VPS8: variants seen among roughly 807,000 people sequenced by gnomAD.
VPS8 encodes the protein VPS8 subunit of CORVET complex.
A neutral mutation model predicts 216.4 loss-of-function variants in VPS8; 129 were observed. That is an observed-to-expected ratio of 0.60 (90% confidence interval 0.52 to 0.69). VPS8 has a LOEUF of 0.69. Ranked by LOEUF, VPS8 falls within the 30% of genes least tolerant of loss-of-function variation. The probability of loss-of-function intolerance (pLI) is 0.00; values close to 1 mark genes in which losing one functional copy is unlikely to be tolerated. For synonymous variants in VPS8, 571 were observed against 565.4 expected (o/e 1.01, Z -0.14); for missense variants, 1,531 against 1,683.5 (o/e 0.91, Z 1.59).
chr3:184,971,661 A>G lies in VPS8; in HGVS notation c.3329A>G (p.Asp1110Gly), dbSNP rs1289943604. The G allele has an allele frequency of 1.2e-6, 2 of 1,611,380 alleles. No homozygotes were observed. Among genetic ancestry groups the G allele is most frequent in the Non-Finnish European group, 1.7e-6 (2 of 1,178,220 alleles). Reference protein sequence around the residue: ...VTHQGENTKEDPSLKDVEDTM... With the variant: ...VTHQGENTKEGPSLKDVEDTM... Reference sequence around the variant, plus strand: ...TTTCTAAATCTAGATACCAAAGAGGATCCCTCATTGAAGGATGTTGAAGAT... The same window carrying G: ...TTTCTAAATCTAGATACCAAAGAGGGTCCCTCATTGAAGGATGTTGAAGAT... Residue 1110 changes from aspartate to glycine, a missense_variant, in exon 40 of 48, where the codon GAT (aspartate) becomes GGT (glycine). Transcript: ENST00000625842.
intron 46 of VPS8, among the ~76,000 whole-genome samples, chr3:185,047,317 A>G (rs1191859473): frequency 6.6e-6 from 1 of 152,204 alleles, no homozygotes; most frequent in Admixed American, 6.5e-5. Flanking sequence ...TTGAATCTTC[A>G]TAGCCACTTT....
chr3:184,901,366 G>GATA (rs1734453071), intron 25 of VPS8: 1 of 168,230 alleles, frequency 5.9e-6, no homozygotes, highest in African/African-American at 2.4e-5. Context: ...ACCACTGAAT[G>GATA]ATAGTCCATG....
At chr3:185,027,559 A>G (rs1343135226) in intron 46 of VPS8, among the ~76,000 whole-genome samples, 2 of 152,160 alleles carry the variant, frequency 1.3e-5, no homozygotes, top group Admixed American at 6.6e-5. Context: ...TCTTTATGGC[A>G]GAAACCTCCA....
chr3:184,982,777 T>C (rs1266861074), intron 41 of VPS8, 130 bp downstream of exon 41: 2 of 784,768 alleles, frequency 2.5e-6, no homozygotes, highest in Non-Finnish European at 4.0e-6. Context: ...TGAAACCATA[T>C]AGTATGGTTG....
chr3:184,862,994 C>T lies in VPS8; in HGVS notation c.1322C>T (p.Ser441Leu). 1.9e-6 allele frequency: 3 copies of T among 1,613,790 alleles called. No individual in the cohort carries two copies. The highest frequency in any genetic ancestry group is 2.5e-6 in the Non-Finnish European group (3 of 1,179,810). The change falls in exon 16 of 48, where the codon TCA becomes TTA. Residue 441 changes from serine to leucine, a missense_variant. Coordinates refer to ENST00000625842, the MANE Select transcript of VPS8 (RefSeq NM_001009921.3). ...GAGGAATTGGAGACAGTGGAGATCTCAGAAGTTCAGCTGGTCTACAATAGC... is the reference window on the plus strand; with the variant it reads ...GAGGAATTGGAGACAGTGGAGATCTTAGAAGTTCAGCTGGTCTACAATAGC... ...TQEELETVEISEVQLVYNSSH... is the reference protein window; with the variant it reads ...TQEELETVEILEVQLVYNSSH...
intron 25 of VPS8, among the ~76,000 whole-genome samples, chr3:184,910,663 C>T (rs1736342620): frequency 6.6e-6 from 1 of 152,192 alleles, no homozygotes; most frequent in Non-Finnish European, 1.5e-5. Flanking sequence ...TTGGGATTCC[C>T]CAACTCTATT....
intron 36 of VPS8, among the ~76,000 whole-genome samples, chr3:184,956,296 G>C (rs1447827785): frequency 6.6e-6 from 1 of 152,200 alleles, no homozygotes; most frequent in Non-Finnish European, 1.5e-5. Flanking sequence ...GGTTACAAGT[G>C]TGCCTGCAGA....
rs972705044 is a variant in VPS8, at chr3:184,995,565, A to G, written c.3667-767A>G. 3.3e-5 allele frequency among the ~76,000 whole-genome samples: 5 copies of G among 152,244 alleles called. No individual in the cohort carries two copies. The South Asian group carries it at 8.3e-4, about 25-fold the overall frequency. On this transcript the variant is annotated intron_variant, in intron 43 of 47. Transcript: ENST00000625842. The stretch of plus-strand genomic sequence containing the variant: ...AGGCAAAGTTAAAGAGTTAAGCTGT[A>G]TAACAAGGAGGGCAGGCAGTACCTA...
At chr3:184,860,825 GTT>G (rs35831025) in intron 15 of VPS8, among the ~76,000 whole-genome samples, 2 of 142,088 alleles carry the variant, frequency 1.4e-5, no homozygotes, top group South Asian at 2.2e-4. Flanking sequence ...TGACTTCTTG[GTT>G]TTTTTTTTTT....
intron 3 of VPS8, 71 bp from the exon 4 acceptor site, chr3:184,832,618 C>A: frequency 7.2e-7 from 1 of 1,389,552 alleles, no homozygotes; most frequent in Non-Finnish European, 9.8e-7. Context: ...CTGGAGAAAC[C>A]CATTAATGCC....
At chr3:184,869,649 AC>A in intron 20 of VPS8, 121 bp downstream of exon 20, 1 of 884,792 alleles carries the variant, frequency 1.1e-6, no homozygotes, top group Non-Finnish European at 1.7e-6. Context: ...ATTAAAAAAC[AC>A]ACACACACAC....
At chr3:185,003,146 A>AT (rs1166698347) in intron 45 of VPS8, among the ~76,000 whole-genome samples, 2 of 54,706 alleles carry the variant, frequency 3.7e-5, no homozygotes, top group African/African-American at 1.3e-4. Context: ...TTTTATTTTT[A>AT]TTTTTTCTCA....
chr3:184,830,767 C>G (rs956598169), intron 3 of VPS8, among the ~76,000 whole-genome samples: 1 of 152,074 alleles, frequency 6.6e-6, no homozygotes, highest in Non-Finnish European at 1.5e-5. Context: ...TATTTCCTTC[C>G]CTTTTCCTAC....
intron 1 of VPS8, among the ~76,000 whole-genome samples, chr3:184,823,592 TTTATTA>T (rs199720067): frequency 2.1e-4 from 32 of 152,072 alleles, no homozygotes; most frequent in Non-Finnish European, 3.2e-4. Context: ...CAAAATGATC[TTTATTA>T]TTATTATTAT....
At chr3:184,856,060 T>C (rs1378818227) in intron 14 of VPS8, among the ~76,000 whole-genome samples, 1 of 152,232 alleles carries the variant, frequency 6.6e-6, no homozygotes, top group Middle Eastern at 3.2e-3. Context: ...TAATGGTATA[T>C]GTAAATGTAT....
rs140497960 is a variant in VPS8, at chr3:184,858,979, G to T, written c.1144-1006G>T. Among the ~76,000 whole-genome samples the T allele has an allele frequency of 3.9e-5, 6 of 152,214 alleles. No individual in the cohort carries two copies. In the East Asian group the frequency reaches 9.7e-4, roughly 25 times the overall value. ...CACATGTTTAAAATTCCCATTAAAA[G>T]CTTTGCTCTTGTCTGCAGCTGACCT... is the stretch of plus-strand genomic sequence containing the variant. On this transcript the variant is annotated intron_variant, in intron 14 of 47. Transcript: ENST00000625842.
intron 21 of VPS8, among the ~76,000 whole-genome samples, chr3:184,875,510 T>C (rs958623784): frequency 6.6e-6 from 1 of 152,182 alleles, no homozygotes; most frequent in Admixed American, 6.5e-5. Context: ...GTGTTTTCTG[T>C]CTCATACATC....
chr3:184,952,485 G>A (rs569546468), intron 36 of VPS8, among the ~76,000 whole-genome samples: 2 of 152,282 alleles, frequency 1.3e-5, no homozygotes, highest in East Asian at 3.9e-4. Flanking sequence ...CTGCAAGGTG[G>A]CCATTCTACG....
At chr3:184,841,037 C>T (rs1722045607) in intron 7 of VPS8, among the ~76,000 whole-genome samples, 2 of 152,042 alleles carry the variant, frequency 1.3e-5, no homozygotes, top group Non-Finnish European at 2.9e-5. Context: ...AATTGTAAAA[C>T]CTAGTCTTTT....
Sources: allele counts gnomAD v4.1 joint callset (sites outside exome capture counted in the v4.1 genomes callset), GRCh38; gene constraint gnomAD v4.1.1; transcripts MANE v1.5; gene names NCBI Gene and HGNC (gene_info 2026-07-23, HGNC 2026-07-21).